The following ACYP2 variants were observed in gnomAD, a reference collection of about 807,000 sequenced individuals.
The protein encoded by ACYP2 is acylphosphatase-2.
In ACYP2, 12 loss-of-function variants were observed where a neutral mutation model predicts 11.2. That is an observed-to-expected ratio of 1.08 (90% confidence interval 0.69 to 1.74). The LOEUF (loss-of-function observed/expected upper bound fraction) is 1.74, where lower values mean the gene tolerates loss of function less well. ACYP2 is among the 40% of genes most tolerant of loss of function. The pLI is 0.00. For missense variants in ACYP2, 134 were observed against 101.9 expected, an observed-to-expected ratio of 1.31 and a Z score of -1.35; for synonymous variants, 43 against 32.2, an observed-to-expected ratio of 1.33 and a Z score of -1.13.
chr2:54,276,533 A>G (rs1207356567), intron 6 of ACYP2, among the ~76,000 whole-genome samples: 1 of 152,014 alleles, frequency 6.6e-6, no homozygotes. Context: ...GACATTGTCA[A>G]TAAAATTTCA....
chr2:54,154,744 A>T (rs1682356211), intron 6 of ACYP2, among the ~76,000 whole-genome samples: 1 of 152,030 alleles, frequency 6.6e-6, no homozygotes, highest in Non-Finnish European at 1.5e-5. Context: ...CTTTTCTCAT[A>T]ATGTTCTTGT....
At chr2:54,123,866 G>A (rs1572808001) in intron 4 of ACYP2, among the ~76,000 whole-genome samples, 1 of 152,092 alleles carries the variant, frequency 6.6e-6, no homozygotes, top group East Asian at 1.9e-4. Context: ...CCCAACCAGT[G>A]ATACGGCTTA....
intron 4 of ACYP2, among the ~76,000 whole-genome samples, chr2:54,082,285 G>A (rs964670763): frequency 4.8e-5 from 7 of 145,140 alleles, no homozygotes; most frequent in Non-Finnish European, 9.0e-5. Context: ...TCACTCTATC[G>A]CCCAGGCTGG....
At chr2:54,136,565 G>A (rs115154619) in intron 5 of ACYP2, among the ~76,000 whole-genome samples, 138 of 152,238 alleles carry the variant, frequency 9.1e-4, no homozygotes, top group African/African-American at 2.8e-3. Context: ...TCAGGGCCAC[G>A]TCTTACATCA....
rs138509738 is a variant in ACYP2 at position 54,073,329 on chromosome 2, C to T, written c.277+15969C>T. On this transcript the variant is annotated intron_variant, in intron 4 of 6. Coordinates refer to ENST00000607452, the MANE Select transcript of ACYP2 (RefSeq NM_001320586.2). ...ATCTCTTGAGCCCAGGAGTTTGAGT[C>T]CAGCCTGGGCAATGTAGGGAGACCA... Among the ~76,000 whole-genome samples, 258 of 151,666 alleles carry T rather than the reference C, an allele frequency of 1.7e-3. 6 individuals are homozygous for T. The East Asian group carries it at 0.045, about 26-fold the overall frequency.
At chr2:54,120,418 G>A (rs1043016761) in intron 4 of ACYP2, among the ~76,000 whole-genome samples, 8 of 152,204 alleles carry the variant, frequency 5.3e-5, no homozygotes, top group Non-Finnish European at 1.0e-4. Context: ...ATTATGCTGT[G>A]TATAGATGCT....
chr2:54,197,356 T>C (rs1351861485), intron 6 of ACYP2, among the ~76,000 whole-genome samples: 4 of 152,168 alleles, frequency 2.6e-5, no homozygotes, highest in Admixed American at 2.6e-4. Context: ...GGGAGGAAGC[T>C]GGAACTTCTC....
At chr2:54,029,304 A>G (rs1433416975) in intron 2 of ACYP2, among the ~76,000 whole-genome samples, 1 of 152,142 alleles carries the variant, frequency 6.6e-6, no homozygotes, top group Non-Finnish European at 1.5e-5. Context: ...AAGGGTACAT[A>G]CTACCAGCAT....
intron 6 of ACYP2, among the ~76,000 whole-genome samples, chr2:54,210,753 G>A (rs1685301253): frequency 1.3e-5 from 2 of 151,058 alleles, no homozygotes; most frequent in African/African-American, 4.9e-5. Flanking sequence ...GTAAAACTCT[G>A]CCAGTGAATA....
intron 2 of ACYP2, among the ~76,000 whole-genome samples, chr2:54,047,403 C>T (rs1444751632): frequency 6.6e-6 from 1 of 152,156 alleles, no homozygotes; most frequent in African/African-American, 2.4e-5. Context: ...ATAAAGGCAA[C>T]TTGCTATTGA....
chr2:54,204,342 A>G (rs1359027103), intron 6 of ACYP2, among the ~76,000 whole-genome samples: 1 of 148,180 alleles, frequency 6.7e-6, no homozygotes, highest in Non-Finnish European at 1.5e-5. Flanking sequence ...ATCAGCTGTC[A>G]GTAATATTAG....
intron 6 of ACYP2, among the ~76,000 whole-genome samples, chr2:54,229,323 C>G (rs891999705): frequency 2.6e-5 from 4 of 152,102 alleles, no homozygotes; most frequent in Admixed American, 6.5e-5. Context: ...ATGGCCCAAT[C>G]TATGTTGTTA....
chr2:54,094,975 G>C (rs190155874), intron 4 of ACYP2, among the ~76,000 whole-genome samples: 8 of 151,694 alleles, frequency 5.3e-5, no homozygotes, highest in Middle Eastern at 3.4e-3. Flanking sequence ...TGGAGGGAAG[G>C]TCAGCAGATA....
At chr2:54,008,235 A>T (rs906175258) in intron 2 of ACYP2, among the ~76,000 whole-genome samples, 1 of 152,196 alleles carries the variant, frequency 6.6e-6, no homozygotes, top group East Asian at 1.9e-4. Context: ...TTCTGCCTAC[A>T]CACTAAAGTC....
rs1373435448 is a variant in ACYP2, at chr2:54,051,497, C to A, written c.155+447C>A. 1.1e-5 allele frequency: 8 copies of A among 705,338 alleles called. No homozygotes were observed. The Admixed American group carries it at 1.2e-4, about 11-fold the overall frequency. The allele number at this position is 705,338 out of a possible 1,614,324, so 43.7% of individuals were successfully genotyped here. On this transcript the variant is annotated intron_variant, in intron 3 of 6. Coordinates refer to ENST00000607452, the MANE Select transcript of ACYP2 (RefSeq NM_001320586.2). Reference sequence around the variant, plus strand: ...GATCCCAGTGCACCCAAGAGGACTCCTTTGGGCTTTTTTTCTGTTCTGTTC... The same window carrying A: ...GATCCCAGTGCACCCAAGAGGACTCATTTGGGCTTTTTTTCTGTTCTGTTC...
Position 54,182,047 on chromosome 2 carries a change from A to ATTT in ACYP2, c.404+43323_404+43325dup, listed in dbSNP as rs35145998. Among the ~76,000 whole-genome samples, 190 of 83,064 alleles carry ATTT rather than the reference A, an allele frequency of 2.3e-3. 10 individuals carry two copies. The highest frequency in any genetic ancestry group is 8.8e-3 in the African/African-American group (171 of 19,364). 54.5% of individuals were successfully genotyped at this position (83,064 alleles called of 152,430 possible). A position where few individuals can be genotyped will look rare whatever the true frequency, so the allele number is the denominator to read the frequency against. ...AAAGAAAACAGAAAAATAGAAGATA[A>ATTT]TTTTTTTTTTTTTTTTTTTTTTTTT... On this transcript the variant is annotated intron_variant, in intron 6 of 6. Coordinates refer to ENST00000607452, the MANE Select transcript of ACYP2 (RefSeq NM_001320586.2).
At chr2:54,158,577 G>A (rs148073936) in intron 6 of ACYP2, among the ~76,000 whole-genome samples, 38 of 152,104 alleles carry the variant, frequency 2.5e-4, no homozygotes, top group African/African-American at 7.5e-4. Flanking sequence ...TTTCCCTCCC[G>A]CTCCATGCCA....
At chr2:54,245,108 G>A (rs780149975) in intron 6 of ACYP2, among the ~76,000 whole-genome samples, 2 of 151,088 alleles carry the variant, frequency 1.3e-5, no homozygotes, top group African/African-American at 2.4e-5. Flanking sequence ...TTTTTAGCTC[G>A]TGCATATGAA....
chr2:53,972,768 A>C (rs1054720662), intron 1 of ACYP2, among the ~76,000 whole-genome samples: 2 of 152,220 alleles, frequency 1.3e-5, no homozygotes, highest in African/African-American at 4.8e-5. Flanking sequence ...TAGTTGACTG[A>C]AAGTGAAAAA....
Sources: gnomAD v4.1 joint callset for allele counts (sites outside exome capture counted in the v4.1 genomes callset) on GRCh38, gnomAD v4.1.1 for gene constraint, MANE v1.5 for transcripts, NCBI Gene and HGNC (gene_info 2026-07-23, HGNC 2026-07-21) for gene names.